The following UQCC1 variants were observed in gnomAD, a reference collection of about 807,000 sequenced individuals.
UQCC1 encodes bFGF-repressed Zic-binding protein.
UQCC1 carries 38 observed loss-of-function variants against 48.0 expected under a neutral mutation model. That is an observed-to-expected ratio of 0.79 (90% confidence interval 0.61 to 1.04). The LOEUF (loss-of-function observed/expected upper bound fraction) is 1.04. UQCC1 is among the 50% of genes least tolerant of loss of function. The pLI, the probability that UQCC1 is intolerant of heterozygous loss-of-function variation, is 0.00. For synonymous variants in UQCC1, 111 were observed against 129.2 expected (o/e 0.86, Z 0.95); for missense variants, 368 against 381.8 (o/e 0.96, Z 0.30).
intron 7 of UQCC1, among the ~76,000 whole-genome samples, chr20:35,320,239 G>A (rs2061108237): frequency 6.6e-6 from 1 of 152,162 alleles, no homozygotes; most frequent in East Asian, 1.9e-4. Flanking sequence ...GTCTGGAGAC[G>A]GGTCCCATCA....
At chr20:35,317,513 T>A (rs1393716008) in intron 7 of UQCC1, among the ~76,000 whole-genome samples, 1 of 152,144 alleles carries the variant, frequency 6.6e-6, no homozygotes, top group Non-Finnish European at 1.5e-5. Flanking sequence ...CCATGACCTA[T>A]CCCACACACC....
rs1213741160 is a variant in UQCC1 at position 35,354,408 on chromosome 20, TTG to T, written c.465-7138_465-7137del. ...GAGGGCAAATTCTCTTTTTTTTTTTTTGTTTTGAGACAGAGTCTTGCTCTGTC... is the reference window on the plus strand; with the variant it reads ...GAGGGCAAATTCTCTTTTTTTTTTTTTTTTGAGACAGAGTCTTGCTCTGTC... On this transcript the variant is annotated intron_variant, in intron 6 of 9. Coordinates refer to ENST00000374385, the MANE Select transcript of UQCC1 (RefSeq NM_018244.5). Among the ~76,000 whole-genome samples the T allele has an allele frequency of 1.6e-3, 239 of 150,706 alleles. 1 individual carries two copies. Among genetic ancestry groups the T allele is most frequent in the African/African-American group, 5.6e-3 (232 of 41,080 alleles).
chr20:35,308,024 A>G (rs57144198), intron 8 of UQCC1, among the ~76,000 whole-genome samples: 12,899 of 152,266 alleles, frequency 0.085, 720 homozygotes, highest in South Asian at 0.21. Context: ...GATACTGGCC[A>G]TGAATGGCTC....
chr20:35,317,441 A>C (rs1361144617), intron 7 of UQCC1, among the ~76,000 whole-genome samples: 1 of 152,258 alleles, frequency 6.6e-6, no homozygotes, highest in East Asian at 1.9e-4. Flanking sequence ...AATTTTCAAA[A>C]ATGAAAGGAT....
chr20:35,352,067 A>G (rs2061495384), intron 6 of UQCC1, among the ~76,000 whole-genome samples: 2 of 152,270 alleles, frequency 1.3e-5, no homozygotes, highest in South Asian at 2.1e-4. Flanking sequence ...AGAAGAGTGC[A>G]ATGAAGTTTA....
chr20:35,359,375 A>T (rs1478200033), intron 6 of UQCC1, among the ~76,000 whole-genome samples: 6 of 152,206 alleles, frequency 3.9e-5, no homozygotes, highest in African/African-American at 1.4e-4. Context: ...TAGCACCAAG[A>T]ACCTCTTCCT....
At position 35,384,135 on chromosome 20, in the gene UQCC1, T is replaced by C; in HGVS notation, c.130-2A>G. On this transcript the variant is annotated splice_acceptor_variant, in intron 2 of 9. Coordinates refer to ENST00000374385, the MANE Select transcript of UQCC1 (RefSeq NM_018244.5). LOFTEE classifies it high-confidence loss of function. Reference sequence around the variant, plus strand: ...TCGGGACTGGCTCATCTGGGGCCACTGAAGAATAAAAACACAGATCTATGC... The same window carrying C: ...TCGGGACTGGCTCATCTGGGGCCACCGAAGAATAAAAACACAGATCTATGC... 1 of 1,610,604 alleles carries C rather than the reference T, an allele frequency of 6.2e-7. No homozygotes were observed. The highest frequency in any genetic ancestry group is 1.1e-5 in the South Asian group (1 of 91,056).
intron 7 of UQCC1, among the ~76,000 whole-genome samples, chr20:35,333,054 C>T (rs1160962266): frequency 3.3e-5 from 5 of 151,028 alleles, no homozygotes; most frequent in Non-Finnish European, 5.9e-5. Context: ...CTACCTATTT[C>T]CAAAAAAAAA....
chr20:35,394,697 C>A (rs866752463), intron 1 of UQCC1, among the ~76,000 whole-genome samples: 2 of 152,150 alleles, frequency 1.3e-5, no homozygotes, highest in Non-Finnish European at 2.9e-5. Context: ...TGTGCAGGGG[C>A]AAGGGGTCTC....
chr20:35,394,308 C>T, intron 1 of UQCC1, 112 bp from the exon 2 acceptor site: 1 of 952,724 alleles, frequency 1.0e-6, no homozygotes. Context: ...ATTTGGCCTT[C>T]ATCTCTAGTT....
intron 8 of UQCC1, chr20:35,307,205 G>C (rs1336638246): frequency 3.6e-6 from 1 of 281,028 alleles, no homozygotes; most frequent in Non-Finnish European, 7.0e-6. Flanking sequence ...GTTTCTCCCA[G>C]GAATGGAGGT....
chr20:35,381,065 G>T (rs1173953722), intron 4 of UQCC1, among the ~76,000 whole-genome samples: 1 of 152,142 alleles, frequency 6.6e-6, no homozygotes, highest in Non-Finnish European at 1.5e-5. Flanking sequence ...ATTGGTTAGA[G>T]GTATTATTAT....
At position 35,388,380 on chromosome 20, in the gene UQCC1, C is replaced by T. The variant is rs118059606; in HGVS notation, c.130-4247G>A. 9.1e-3 allele frequency among the ~76,000 whole-genome samples: 1,356 copies of T among 148,794 alleles called. 9 individuals carry two copies. The highest frequency in any genetic ancestry group is 0.014 in the Middle Eastern group (4 of 286). ...GTCATGGGTCACTGCAACTTTGACC[C>T]CCCCAGACTCAAGGGATCCTCCTGC... is the stretch of plus-strand genomic sequence containing the variant. On this transcript the variant is annotated intron_variant, in intron 2 of 9. Coordinates refer to ENST00000374385, the MANE Select transcript of UQCC1 (RefSeq NM_018244.5).
chr20:35,405,810 C>A (rs1370594249), intron 1 of UQCC1, among the ~76,000 whole-genome samples: 2 of 152,194 alleles, frequency 1.3e-5, no homozygotes, highest in Admixed American at 1.3e-4. Context: ...ATCGCTTGAA[C>A]CCGGGAGGTG....
At chr20:35,387,733 T>G (rs1006316859) in intron 2 of UQCC1, among the ~76,000 whole-genome samples, 6 of 152,002 alleles carry the variant, frequency 3.9e-5, no homozygotes, top group African/African-American at 2.4e-5. Flanking sequence ...ACCTTTTCAC[T>G]TCACAGATGA....
intron 6 of UQCC1, among the ~76,000 whole-genome samples, chr20:35,361,296 C>G (rs1034930748): frequency 2.1e-5 from 3 of 143,610 alleles, no homozygotes; most frequent in Admixed American, 1.4e-4. Flanking sequence ...TTGCTAACTT[C>G]TACTCACCCT....
At chr20:35,320,427 T>A (rs1373058285) in intron 7 of UQCC1, among the ~76,000 whole-genome samples, 1 of 152,332 alleles carries the variant, frequency 6.6e-6, no homozygotes, top group East Asian at 1.9e-4. Flanking sequence ...AAGATAAGAA[T>A]ACAGAGCAAT....
At chr20:35,410,733 T>C (rs963216184) in intron 1 of UQCC1, among the ~76,000 whole-genome samples, 29 of 15,504 alleles carry the variant, frequency 1.9e-3, no homozygotes, top group South Asian at 2.3e-3. Context: ...AACAAAACCC[T>C]AAAGGGTGGC....
chr20:35,318,680 GA>G (rs1301629926), intron 7 of UQCC1, among the ~76,000 whole-genome samples: 1 of 152,194 alleles, frequency 6.6e-6, no homozygotes, highest in Non-Finnish European at 1.5e-5. Context: ...ATTAGATCAT[GA>G]AAAGGGGCCT....
Sources: allele counts gnomAD v4.1 joint callset (sites outside exome capture counted in the v4.1 genomes callset), GRCh38; gene constraint gnomAD v4.1.1; transcripts MANE v1.5; gene names NCBI Gene and HGNC (gene_info 2026-07-23, HGNC 2026-07-21).